Variants in GPM6B observed in about 807,000 individuals in gnomAD.
GPM6B encodes neuronal membrane glycoprotein M6-b.
Under a neutral mutation model 27.2 loss-of-function variants are expected in GPM6B, and 4 were observed. The ratio of observed to expected loss-of-function variants is 0.15; its 90% CI spans 0.07 to 0.34. The LOEUF (loss-of-function observed/expected upper bound fraction) is 0.34. Ranked by LOEUF, GPM6B falls within the 10% of genes least tolerant of loss-of-function variation. The probability of loss-of-function intolerance (pLI) is 1.00; values close to 1 mark genes in which losing one functional copy is unlikely to be tolerated. For missense variants in GPM6B, 183 were observed against 261.9 expected (o/e 0.70, Z 2.08); for synonymous variants, 124 against 103.1 (o/e 1.20, Z -1.23).
At chrX:13,776,399 T>C (rs1411236304) in intron 6 of GPM6B, 96 bp from the exon 7 acceptor site, 1 of 653,921 alleles carries the variant, frequency 1.5e-6, no homozygotes, top group Non-Finnish European at 2.4e-6. Flanking sequence ...CCTTTGCAGC[T>C]CTTCTCTGCA....
chrX:13,860,437 G>GTTT (rs1569266519), intron 1 of GPM6B, among the ~76,000 whole-genome samples: 2 of 82,821 alleles, frequency 2.4e-5, no homozygotes, highest in African/African-American at 5.9e-5. Flanking sequence ...CAAAACGTGG[G>GTTT]GTTTTTTTTT....
intron 1 of GPM6B, among the ~76,000 whole-genome samples, chrX:13,825,987 A>G (rs1414856359): frequency 9.0e-6 from 1 of 111,614 alleles, no homozygotes; most frequent in African/African-American, 3.3e-5. Context: ...AGGAAAAGTC[A>G]TCCAACTCCA....
At chrX:13,797,856 T>C (rs1215359079) in intron 2 of GPM6B, among the ~76,000 whole-genome samples, 4 of 111,732 alleles carry the variant, frequency 3.6e-5, no homozygotes, top group African/African-American at 1.3e-4. Context: ...ATCAACATCA[T>C]GCAACATTTT....
intron 1 of GPM6B, among the ~76,000 whole-genome samples, chrX:13,908,933 C>CA (rs1390527875): frequency 9.0e-6 from 1 of 111,254 alleles, no homozygotes; most frequent in African/African-American, 3.3e-5. Context: ...GGAAAATGAA[C>CA]AAAAAAATAT....
chrX:13,846,998 C>CT (rs1245459996), intron 1 of GPM6B, among the ~76,000 whole-genome samples: 5 of 110,076 alleles, frequency 4.5e-5, no homozygotes, highest in African/African-American at 1.7e-4. Flanking sequence ...CTAAGACAAG[C>CT]AGATAGTTTG....
rs1250695569 is a variant in GPM6B, at chrX:13,880,235, C to A, written c.-198+58092G>T. Among the ~76,000 whole-genome samples, 3 of 111,325 alleles carry A rather than the reference C, an allele frequency of 2.7e-5. No individual in the cohort carries two copies. In the East Asian group the frequency reaches 8.5e-4, roughly 32 times the overall value. ...AATGATCTCTTTCACAACACAAGGC[C>A]AGTGATGGGGTTGTTGTAGAGGAAT... On this transcript the variant is annotated intron_variant, in intron 1 of 6. Coordinates refer to the GPM6B transcript ENST00000398361.
rs1486914420 is a variant in GPM6B, at chrX:13,783,430, T to C, written c.460A>G (p.Ser154Gly). 2.5e-6 allele frequency: 3 copies of C among 1,203,696 alleles called. No homozygotes were observed. The highest frequency in any genetic ancestry group is 2.2e-6 in the Non-Finnish European group (2 of 889,785). The change falls in exon 4 of 8, where the codon AGT becomes GGT. Residue 154 changes from serine (S) to glycine (G), a missense_variant. Transcript: ENST00000316715. ...TCACCGTGCAGTTCTTTCACTGCAC[T>C]TGTGGTGTAAAAGCCTTCTGCCAAC... The part of the protein sequence containing the change: ...ILLAEGFYTT[S>G]AVKELHGEFK...
chrX:13,831,177 T>TACACACAC (rs536337642), intron 1 of GPM6B, among the ~76,000 whole-genome samples: 1,032 of 81,591 alleles, frequency 0.013, 19 homozygotes, highest in African/African-American at 0.034. Context: ...AAGAGCTCAG[T>TACACACAC]ACACACACAC....
rs1186913268 is a variant in GPM6B at position 13,785,680 on chromosome X, C to T, written c.310G>A (p.Ala104Thr). 1 of 1,211,730 alleles carries T rather than the reference C, an allele frequency of 8.3e-7. No homozygotes were observed. Among genetic ancestry groups the T allele is most frequent in the Non-Finnish European group, 1.1e-6 (1 of 895,414 alleles). Residue 104 changes from alanine (A) to threonine (T), a missense_variant, in exon 3 of 8, where the codon GCG becomes ACG. Transcript: ENST00000316715. ...CGHVALAGTV[A>T]ILEQHFSTNA... ...GTGGAGAAGTGTTGCTCAAGAATCG[C>T]CACGGTGCCTGCGAGAGCCACATGC...
chrX:13,863,659 A>G (rs1279463674), intron 1 of GPM6B, among the ~76,000 whole-genome samples: 1 of 112,035 alleles, frequency 8.9e-6, no homozygotes, highest in Non-Finnish European at 1.9e-5. Flanking sequence ...TTCTAGTTCC[A>G]TTTGGTCCCA....
intron 1 of GPM6B, among the ~76,000 whole-genome samples, chrX:13,864,015 G>T (rs763595332): frequency 7.1e-5 from 8 of 112,135 alleles, no homozygotes; most frequent in African/African-American, 2.3e-4. Flanking sequence ...GCAGGCCATG[G>T]TTCATTTTTT....
chrX:13,822,409 A>G (rs1603049612), intron 1 of GPM6B, among the ~76,000 whole-genome samples: 1 of 109,358 alleles, frequency 9.1e-6, no homozygotes, highest in East Asian at 2.8e-4. Flanking sequence ...GCTGTTGCCC[A>G]GGCTGGAGTA....
At chrX:13,790,117 G>T (rs753260548) in intron 2 of GPM6B, among the ~76,000 whole-genome samples, 1 of 112,184 alleles carries the variant, frequency 8.9e-6, no homozygotes, top group Non-Finnish European at 1.9e-5. Flanking sequence ...GCCTCCCAAA[G>T]TGCTGCAATT....
intron 1 of GPM6B, among the ~76,000 whole-genome samples, chrX:13,870,794 G>A (rs1036464363): frequency 8.9e-6 from 1 of 112,023 alleles, no homozygotes; most frequent in East Asian, 2.8e-4. Flanking sequence ...ATCTAGAACA[G>A]CCCTTTGCAA....
chrX:13,892,631 G>A (rs919984797), intron 1 of GPM6B, among the ~76,000 whole-genome samples: 13 of 112,117 alleles, frequency 1.2e-4, no homozygotes, highest in Non-Finnish European at 2.3e-4. Flanking sequence ...CTGGGCTCAA[G>A]TGATTCTCCT....
At chrX:13,842,984 C>T (rs1291180530) in intron 1 of GPM6B, among the ~76,000 whole-genome samples, 9 of 111,032 alleles carry the variant, frequency 8.1e-5, no homozygotes, top group Admixed American at 3.8e-4. Context: ...TTAATATATT[C>T]CCCCCTTTCC....
At position 13,771,482 on chromosome X, in the gene GPM6B, C is replaced by T. The variant is rs1416055165; in HGVS notation, c.*1399G>A. The T allele has an allele frequency of 9.0e-6, 1 of 111,660 alleles. No homozygotes were observed. The highest frequency in any genetic ancestry group is 1.9e-5 in the Non-Finnish European group (1 of 53,023). The allele number at this position is 111,660 out of a possible 1,213,427, so 9.2% of individuals were successfully genotyped here. A position where few individuals can be genotyped will look rare whatever the true frequency, so the allele number is the denominator to read the frequency against. ...TATACTTGATGTTCAATTTTAATAG[C>T]ATCTTGATAAAGGTATGCTTCCTTT... On this transcript the variant is annotated 3_prime_UTR_variant, in exon 8 of 8. Transcript: ENST00000316715.
rs141183764 is a variant in GPM6B, at chrX:13,809,289, A to G, written c.62-1520T>C. Among the ~76,000 whole-genome samples the G allele has an allele frequency of 4.0e-3, 447 of 112,075 alleles. 1 individual carries two copies. Among genetic ancestry groups the G allele is most frequent in the South Asian group, 0.024 (65 of 2,676 alleles). On this transcript the variant is annotated intron_variant, in intron 1 of 7. Transcript: ENST00000316715. Reference sequence around the variant, plus strand: ...CACTTTGGAAACCACCATACATCCTACTGTGACCTCTGCATGTATTGCAAT... The same window carrying G: ...CACTTTGGAAACCACCATACATCCTGCTGTGACCTCTGCATGTATTGCAAT...
chrX:13,842,759 A>G (rs1220268780), intron 1 of GPM6B, among the ~76,000 whole-genome samples: 1 of 111,588 alleles, frequency 9.0e-6, no homozygotes, highest in African/African-American at 3.3e-5. Flanking sequence ...AAAGCTACCC[A>G]AACACATCAG....
Sources: allele counts gnomAD v4.1 joint callset (sites outside exome capture counted in the v4.1 genomes callset), GRCh38; gene constraint gnomAD v4.1.1; transcripts MANE v1.5; gene names NCBI Gene and HGNC (gene_info 2026-07-23, HGNC 2026-07-21).